Variants in CTDP1 observed in about 807,000 individuals in gnomAD.
CTDP1 encodes RNA polymerase II subunit A C-terminal domain phosphatase.
In CTDP1, 47 loss-of-function variants were observed where a neutral mutation model predicts 91.8. The ratio of observed to expected loss-of-function variants is 0.51; its 90% CI spans 0.41 to 0.65. The LOEUF (loss-of-function observed/expected upper bound fraction) is 0.65, where lower values mean the gene tolerates loss of function less well. Among genes scored for constraint, CTDP1 ranks in the 30% least tolerant of loss-of-function variants. The pLI is 0.00. For synonymous variants in CTDP1, 656 were observed against 598.5 expected, an observed-to-expected ratio of 1.10 and a Z score of -1.40; for missense variants, 1,272 against 1,373.7, an observed-to-expected ratio of 0.93 and a Z score of 1.17.
chr18:79,688,461 C>T (rs1181714913), intron 1 of CTDP1, among the ~76,000 whole-genome samples: 4 of 152,180 alleles, frequency 2.6e-5, no homozygotes, highest in African/African-American at 7.2e-5. Context: ...GACAGGGTTT[C>T]ACCATGTTGG....
chr18:79,739,571 G>T (rs887105097), intron 12 of CTDP1, among the ~76,000 whole-genome samples: 1 of 152,180 alleles, frequency 6.6e-6, no homozygotes, highest in Non-Finnish European at 1.5e-5. Flanking sequence ...CTTCCATGCT[G>T]CCCTCCCAGC....
intron 10 of CTDP1, among the ~76,000 whole-genome samples, chr18:79,725,039 T>C (rs558656060): frequency 1.1e-4 from 16 of 152,336 alleles, no homozygotes; most frequent in African/African-American, 3.4e-4. Context: ...TTTTAGGAGT[T>C]TGTTGATTGA....
chr18:79,744,503 AACTATGAGTGGATGG>A (rs1197987196), intron 12 of CTDP1, among the ~76,000 whole-genome samples: 3 of 152,250 alleles, frequency 2.0e-5, no homozygotes, highest in African/African-American at 7.2e-5. Flanking sequence ...TCAGAGCTTT[AACTATGAGTGGATGG>A]ACAACTGGGT....
chr18:79,725,046 TTGATA>T (rs1184376021), intron 10 of CTDP1, among the ~76,000 whole-genome samples: 5 of 152,226 alleles, frequency 3.3e-5, no homozygotes, highest in Non-Finnish European at 7.3e-5. Context: ...AGTTTGTTGA[TTGATA>T]TGATGGTGTG....
At chr18:79,738,827 T>G (rs2086719568) in intron 12 of CTDP1, among the ~76,000 whole-genome samples, 1 of 152,264 alleles carries the variant, frequency 6.6e-6, no homozygotes, top group South Asian at 2.1e-4. Context: ...GTTTACCACG[T>G]AGAAAGCAGC....
chr18:79,705,188 C>T (rs1042528451), intron 5 of CTDP1, among the ~76,000 whole-genome samples: 5 of 152,120 alleles, frequency 3.3e-5, no homozygotes, highest in East Asian at 1.9e-4. Context: ...GAAACTTCTG[C>T]GAGCGTCCTC....
intron 8 of CTDP1, 37 bp downstream of exon 8, chr18:79,715,565 G>A: frequency 6.6e-7 from 1 of 1,525,498 alleles, no homozygotes; most frequent in Non-Finnish European, 8.8e-7. Context: ...GCATGGTCAG[G>A]CCCGCGGGCT....
At chr18:79,732,558 G>T (rs937811369) in intron 11 of CTDP1, among the ~76,000 whole-genome samples, 1 of 132,396 alleles carries the variant, frequency 7.6e-6, no homozygotes, top group Non-Finnish European at 1.6e-5. Context: ...CCAAAATCAC[G>T]TGAGACATGA....
At chr18:79,698,347 G>A (rs1287170961) in intron 4 of CTDP1, among the ~76,000 whole-genome samples, 1 of 152,188 alleles carries the variant, frequency 6.6e-6, no homozygotes, top group African/African-American at 2.4e-5. Flanking sequence ...TGGTGGGGAG[G>A]ACGTTGGTGT....
At chr18:79,711,975 C>T (rs968080644) in intron 6 of CTDP1, among the ~76,000 whole-genome samples, 1 of 11,254 alleles carries the variant, frequency 8.9e-5, no homozygotes, top group Admixed American at 7.3e-4. Context: ...TCAGCCACTT[C>T]CTGGTTCTCG....
Position 79,717,586 on chromosome 18 carries a change from A to G in CTDP1, c.2120A>G (p.Asn707Ser). 6.2e-7 allele frequency: 1 copy of G among 1,613,914 alleles called. No individual in the cohort carries two copies. The highest frequency in any genetic ancestry group is 8.5e-7 in the Non-Finnish European group (1 of 1,179,958). ...GAGTGCGGACACCTGCACGTGGTCA[A>G]CCCTGACTGGCTGTGGAGCTGCCTG... The part of the protein sequence containing the change: ...AQECGHLHVV[N>S]PDWLWSCLER... The change falls in exon 9 of 13, where the codon AAC becomes AGC. Residue 707 changes from asparagine to serine, a missense_variant. Asn to Ser is a conservative substitution (Grantham distance 46, BLOSUM62 1). Transcript: ENST00000613122.
chr18:79,729,121 C>T (rs761206807), intron 11 of CTDP1, 52 bp downstream of exon 11: 1 of 1,609,230 alleles, frequency 6.2e-7, no homozygotes, highest in South Asian at 1.1e-5. Flanking sequence ...GCTGGGGCCG[C>T]AGAGCTCTGG....
chr18:79,679,879 C>T lies in CTDP1; in HGVS notation c.-69C>T. 4.6e-6 allele frequency: 6 copies of T among 1,291,570 alleles called. No homozygotes were observed. In the South Asian group the frequency reaches 4.8e-5, roughly 10 times the overall value. The allele number at this position is 1,291,570 out of a possible 1,614,324, so 80.0% of individuals were successfully genotyped here. Reference sequence around the variant, plus strand: ...AGCGTCGCCGCCTGGGTTGTGTCGCCGCGGTAGGCGCTGCGCTCTGAGCGC... The same window carrying T: ...AGCGTCGCCGCCTGGGTTGTGTCGCTGCGGTAGGCGCTGCGCTCTGAGCGC... On this transcript the variant is annotated 5_prime_UTR_variant, in exon 1 of 13. Transcript: ENST00000613122.
chr18:79,679,172 G>A (rs1169616690), upstream of CTDP1: 3 of 326,786 alleles, frequency 9.2e-6, no homozygotes, highest in Admixed American at 8.4e-5. Context: ...GCCCCAGACG[G>A]GCCCACCGCC....
intron 11 of CTDP1, among the ~76,000 whole-genome samples, chr18:79,730,328 G>A (rs1156362140): frequency 6.6e-6 from 1 of 152,196 alleles, no homozygotes; most frequent in East Asian, 1.9e-4. Context: ...AGGAGAGGAG[G>A]GAGGGACGCT....
intron 4 of CTDP1, among the ~76,000 whole-genome samples, chr18:79,699,115 C>T (rs1313478661): frequency 6.6e-6 from 1 of 152,158 alleles, no homozygotes; most frequent in Non-Finnish European, 1.5e-5. Flanking sequence ...GTCTAACCCA[C>T]AAAACAGCTT....
intron 5 of CTDP1, among the ~76,000 whole-genome samples, chr18:79,706,097 T>G (rs1381230829): frequency 6.6e-6 from 1 of 152,162 alleles, no homozygotes; most frequent in African/African-American, 2.4e-5. Flanking sequence ...TGAGGTCCTG[T>G]GGACTCCATC....
At chr18:79,707,399 G>A (rs1217365161) in intron 5 of CTDP1, among the ~76,000 whole-genome samples, 5 of 152,212 alleles carry the variant, frequency 3.3e-5, no homozygotes, top group East Asian at 1.9e-4. Flanking sequence ...CCTCTGAGCC[G>A]CTTAGACAGC....
chr18:79,748,814 C>T (rs2086933331), intron 12 of CTDP1, among the ~76,000 whole-genome samples: 2 of 151,712 alleles, frequency 1.3e-5, no homozygotes, highest in Admixed American at 1.3e-4. Flanking sequence ...GCCTGGGAGC[C>T]GTGTCTGCCT....
Sources: gnomAD v4.1 joint callset for allele counts (sites outside exome capture counted in the v4.1 genomes callset) on GRCh38, gnomAD v4.1.1 for gene constraint, MANE v1.5 for transcripts, NCBI Gene and HGNC (gene_info 2026-07-23, HGNC 2026-07-21) for gene names.